BRWD1: variants seen among roughly 807,000 people sequenced by gnomAD.
BRWD1 encodes the protein bromodomain and WD repeat domain containing 1, also known as bromodomain and WD repeat-containing protein 1.
In BRWD1, 82 loss-of-function variants were observed where a neutral mutation model predicts 251.2. The ratio of observed to expected loss-of-function variants is 0.33; its 90% CI spans 0.27 to 0.39. The LOEUF (loss-of-function observed/expected upper bound fraction) is 0.39, where lower values mean the gene tolerates loss of function less well. BRWD1 is among the 10% of genes least tolerant of loss of function. The pLI is 1.00. For missense variants in BRWD1, 2,233 were observed against 2,711.6 expected (o/e 0.82, Z 3.92); for synonymous variants, 918 against 902.8 (o/e 1.02, Z -0.30).
At position 39,312,862 on chromosome 21, in the gene BRWD1, G is replaced by C; in HGVS notation, c.177C>G (p.His59Gln). The change falls in exon 4 of 41, where the codon CAC (histidine) becomes CAG (glutamine). Residue 59 changes from histidine (H) to glutamine (Q), a missense_variant. Physicochemically the swap from His to Gln is conservative, Grantham distance 24. Transcript: ENST00000342449. ...TCACCAACTCCTCGTAGCTCCTGTT[G>C]TGCTCGTTGCCCTCCCAGTCCAATC... ...PKRLDWEGNE[H>Q]NRSYEELVLS... 6.3e-7 allele frequency: 1 copy of C among 1,583,546 alleles called. No individual in the cohort carries two copies.
At chr21:39,254,957 G>GT (rs1479085948) in intron 19 of BRWD1, among the ~76,000 whole-genome samples, 1 of 152,110 alleles carries the variant, frequency 6.6e-6, no homozygotes, top group African/African-American at 2.4e-5. Context: ...CCAAGGTACG[G>GT]TTTTTTTAAG....
rs918131106 is a variant in BRWD1, at chr21:39,247,830, C to T, written c.2352G>A (p.Ser784=). Residue 784 remains serine, a splice_region_variant and synonymous_variant, in exon 21 of 41, where the codon TCG becomes TCA. Transcript: ENST00000342449. ...ACTGTGATACCAAAACCACTGAATCCGACTGAAACACAGAAAAACATGCGA... is the reference window on the plus strand; with the variant it reads ...ACTGTGATACCAAAACCACTGAATCTGACTGAAACACAGAAAAACATGCGA... ...KRKTLQLSHK[S]DSVVLVSQSR... is the part of the protein sequence containing the mutation. 3.8e-6 allele frequency: 6 copies of T among 1,591,584 alleles called. No individual in the cohort carries two copies. Among genetic ancestry groups the T allele is most frequent in the Non-Finnish European group, 5.1e-6 (6 of 1,170,724 alleles).
At chr21:39,268,866 T>TA (rs1276741088) in intron 15 of BRWD1, among the ~76,000 whole-genome samples, 1 of 151,962 alleles carries the variant, frequency 6.6e-6, no homozygotes, top group Non-Finnish European at 1.5e-5. Context: ...CGGGTGCCTG[T>TA]AGTTCCAATT....
chr21:39,188,268 G>C lies in BRWD1; in HGVS notation c.*7991C>G. ...ATGAACAGTCAAACTATCTAAAACT[G>C]CCTTCATGGTACACACCAATCTTGA... On this transcript the variant is annotated 3_prime_UTR_variant, in exon 41 of 41. Transcript: ENST00000342449. 3 of 985,326 alleles carry C rather than the reference G, an allele frequency of 3.0e-6. No individual in the cohort carries two copies. The highest frequency in any genetic ancestry group is 3.6e-6 in the Non-Finnish European group (3 of 829,896). The allele number at this position is 985,326 out of a possible 1,614,324, so 61.0% of individuals were successfully genotyped here.
In BRWD1 at chr21:39,293,223, G is replaced by A. The variant is rs554268494; in HGVS notation, c.831+588C>T. The stretch of plus-strand genomic sequence containing the variant: ...GTAAATTAAATCAACTAAGCGGCAC[G>A]GTGGCTCACGCCTGTAATCCCAGCA... On this transcript the variant is annotated intron_variant, in intron 8 of 40. Coordinates refer to ENST00000342449, the MANE Select transcript of BRWD1 (RefSeq NM_033656.4). Among the ~76,000 whole-genome samples the A allele has an allele frequency of 2.4e-4, 36 of 152,154 alleles. No individual in the cohort carries two copies. In the South Asian group the frequency reaches 7.5e-3, roughly 32 times the overall value.
intron 5 of BRWD1, chr21:39,297,152 TAGC>T (rs2035983217): frequency 1.0e-6 from 1 of 985,294 alleles, no homozygotes; most frequent in South Asian, 4.7e-5. Context: ...CTATAGGAGA[TAGC>T]AGCAGAACAT....
At chr21:39,271,696 CAA>C (rs34900726) in intron 13 of BRWD1, among the ~76,000 whole-genome samples, 1,074 of 59,786 alleles carry the variant, frequency 0.018, 7 homozygotes, top group African/African-American at 0.069. Flanking sequence ...GACTCCGTCT[CAA>C]AAAAAAAAAA....
At chr21:39,317,261 A>G (rs1378077011), upstream of BRWD1, 1 of 152,244 alleles carries the variant, frequency 6.6e-6, no homozygotes, top group African/African-American at 2.4e-5. Context: ...TTCCATATGT[A>G]CACACTGAGG....
chr21:39,296,841 G>T (rs2035974291), intron 5 of BRWD1: 2 of 975,904 alleles, frequency 2.0e-6, no homozygotes, highest in Non-Finnish European at 1.2e-6. Flanking sequence ...AAGATGAAAG[G>T]TCTTACAACT....
In BRWD1 at chr21:39,192,097, T is replaced by C; in HGVS notation, c.*4162A>G. ...CAATTTAAAGATATTTTTCTACCAA[T>C]TTAACAATATATTAGGAACCAGCTT... On this transcript the variant is annotated 3_prime_UTR_variant, in exon 41 of 41. Coordinates refer to ENST00000342449, the MANE Select transcript of BRWD1 (RefSeq NM_033656.4). 1.0e-6 allele frequency: 1 copy of C among 985,188 alleles called. No individual in the cohort carries two copies. The highest frequency in any genetic ancestry group is 1.2e-6 in the Non-Finnish European group (1 of 829,754). 61.0% of individuals were successfully genotyped at this position (985,188 alleles called of 1,614,324 possible). A position where few individuals can be genotyped will look rare whatever the true frequency, so the allele number is the denominator to read the frequency against.
chr21:39,205,105 T>C (rs781666120), intron 37 of BRWD1, among the ~76,000 whole-genome samples: 18 of 152,346 alleles, frequency 1.2e-4, no homozygotes, highest in Non-Finnish European at 2.4e-4. Flanking sequence ...GCTTTCAAGC[T>C]ATAAAACCCA....
In BRWD1 at chr21:39,215,245, T is replaced by C; in HGVS notation, c.3777A>G (p.Lys1259=). ...TCTATGAAATTACTTACTTGATAAA[T>C]TTTAAAAGTTGGTCAGTTATCTTTT... ...SAKKITDQLL[K]FIKNQHCTNI... Residue 1259 remains lysine, a synonymous_variant, in exon 32 of 41, where the codon AAA becomes AAG. Coordinates refer to ENST00000342449, the MANE Select transcript of BRWD1 (RefSeq NM_033656.4). 1 of 1,611,140 alleles carries C rather than the reference T, an allele frequency of 6.2e-7. No homozygotes were observed. The highest frequency in any genetic ancestry group is 8.5e-7 in the Non-Finnish European group (1 of 1,177,516).
rs2035945055 is a variant in BRWD1 at position 39,295,720 on chromosome 21, TCAA to T, written c.609+20_609+22del. ...CTAAAGTACTCTAGATGACATCAAA[TCAA>T]GTTTAAAATTTTTACTCACTGTAAA... On this transcript the variant is annotated intron_variant, in intron 7 of 40. Transcript: ENST00000342449. 6.5e-7 allele frequency: 1 copy of T among 1,531,188 alleles called. No homozygotes were observed. The highest frequency in any genetic ancestry group is 8.8e-7 in the Non-Finnish European group (1 of 1,133,198). 94.9% of individuals were successfully genotyped at this position (1,531,188 alleles called of 1,614,324 possible).
chr21:39,312,943 G>C, intron 3 of BRWD1, 43 bp from the exon 4 acceptor site: 1 of 748,910 alleles, frequency 1.3e-6, no homozygotes, highest in Non-Finnish European at 1.7e-6. Context: ...CCCCTCCGGC[G>C]CGGGGGGGGC....
In BRWD1 at chr21:39,296,351, G is replaced by C. The variant is rs373715378; in HGVS notation, c.362C>G (p.Thr121Arg). The C allele has an allele frequency of 6.3e-6, 10 of 1,582,320 alleles. No homozygotes were observed. The African/African-American group carries it at 1.1e-4, about 17-fold the overall frequency. The change falls in exon 6 of 41, where the codon ACA (threonine) becomes AGA (arginine). Residue 121 changes from threonine (T) to arginine (R), a missense_variant. Physicochemically the swap from Thr to Arg is moderately conservative, Grantham distance 71. Coordinates refer to ENST00000342449, the MANE Select transcript of BRWD1 (RefSeq NM_033656.4). The part of the protein sequence containing the change: ...LLRTAKDCRH[T>R]VWKGSAFAAL... The stretch of plus-strand genomic sequence containing the variant: ...AGCAAAGGCAGAGCCCTTCCAAACT[G>C]TGTGCCTGCAGTCTTTAAAATGAAT...
At position 39,190,283 on chromosome 21, in the gene BRWD1, C is replaced by T. The variant is rs2031483393; in HGVS notation, c.*5976G>A. ...TTACAGATTCTGCACAATATTTCAT[C>T]ATACAAAACTGTTTTCCTAAATTCA... On this transcript the variant is annotated 3_prime_UTR_variant, in exon 41 of 41. Transcript: ENST00000342449. 2.0e-6 allele frequency: 2 copies of T among 984,332 alleles called. No individual in the cohort carries two copies. The highest frequency in any genetic ancestry group is 2.4e-6 in the Non-Finnish European group (2 of 829,228). The allele number at this position is 984,332 out of a possible 1,614,324, so 61.0% of individuals were successfully genotyped here. A position where few individuals can be genotyped will look rare whatever the true frequency, so the allele number is the denominator to read the frequency against.
intron 8 of BRWD1, among the ~76,000 whole-genome samples, chr21:39,288,788 C>T (rs939001656): frequency 1.3e-5 from 2 of 152,124 alleles, no homozygotes; most frequent in East Asian, 3.9e-4. Context: ...AAGTGATCAT[C>T]TTAAAGGTCT....
At chr21:39,218,361 C>T (rs1158448194) in intron 30 of BRWD1, 89 bp from the exon 31 acceptor site, 18 of 1,477,130 alleles carry the variant, frequency 1.2e-5, no homozygotes, top group Non-Finnish European at 1.6e-5. Context: ...GATATGGCTA[C>T]ATTTAACATT....
Position 39,313,615 on chromosome 21 carries a change from ATACCGTGCGCG to A in BRWD1, c.-135_-125del. On this transcript the variant is annotated 5_prime_UTR_variant, in exon 1 of 41. The change abolishes an upstream ATG in the 5' untranslated region. Transcript: ENST00000342449. ...CGCCGCCGCCGCCGCCGCCGCCGCC[ATACCGTGCGCG>A]CCGCCTGGACCGACGCCTCCGCGGG... is the stretch of plus-strand genomic sequence containing the variant. The A allele has an allele frequency of 1.4e-6, 1 of 739,650 alleles. No individual in the cohort carries two copies. 45.8% of individuals were successfully genotyped at this position (739,650 alleles called of 1,614,324 possible).
Sources: allele counts gnomAD v4.1 joint callset (sites outside exome capture counted in the v4.1 genomes callset), GRCh38; gene constraint gnomAD v4.1.1; transcripts MANE v1.5; gene names NCBI Gene and HGNC (gene_info 2026-07-23, HGNC 2026-07-21).